The following FRMD4A variants were observed in gnomAD, a reference collection of about 807,000 sequenced individuals.
The protein encoded by FRMD4A is FERM domain-containing protein 4A.
A neutral mutation model predicts 129.1 loss-of-function variants in FRMD4A; 29 were observed. The observed-to-expected ratio is 0.22, with a 90% CI of 0.17 to 0.31. FRMD4A has a LOEUF of 0.31. FRMD4A is among the 10% of genes least tolerant of loss of function. FRMD4A has a pLI of 1.00. For synonymous variants in FRMD4A, 634 were observed against 571.6 expected (o/e 1.11, Z -1.56); for missense variants, 1,272 against 1,375.8 (o/e 0.92, Z 1.19).
At chr10:14,160,162 T>C (rs1350111669) in intron 2 of FRMD4A, among the ~76,000 whole-genome samples, 1 of 152,206 alleles carries the variant, frequency 6.6e-6, no homozygotes, top group African/African-American at 2.4e-5. Flanking sequence ...AATAAGTCTA[T>C]ATATTTACAG....
intron 2 of FRMD4A, among the ~76,000 whole-genome samples, chr10:14,185,562 T>A (rs534159473): frequency 6.6e-6 from 1 of 152,138 alleles, no homozygotes; most frequent in Non-Finnish European, 1.5e-5. Context: ...CAAGACTATT[T>A]AAAGGTTCAA....
At chr10:14,033,216 A>T (rs1455135444) in intron 2 of FRMD4A, among the ~76,000 whole-genome samples, 1 of 151,742 alleles carries the variant, frequency 6.6e-6, no homozygotes, top group South Asian at 2.1e-4. Flanking sequence ...CTGAGGCAGG[A>T]GAATCGCTTG....
chr10:13,741,031 T>A (rs944291965), intron 9 of FRMD4A, among the ~76,000 whole-genome samples: 12 of 152,116 alleles, frequency 7.9e-5, no homozygotes, highest in African/African-American at 2.9e-4. Context: ...TTCATCATGT[T>A]GGCCAGGCTG....
intron 2 of FRMD4A, among the ~76,000 whole-genome samples, chr10:14,250,074 C>T (rs939069605): frequency 2.0e-5 from 3 of 152,156 alleles, no homozygotes; most frequent in Non-Finnish European, 4.4e-5. Context: ...AATTCTCCTG[C>T]CTCAGCCTCC....
At chr10:14,050,431 A>G (rs1203805338) in intron 2 of FRMD4A, among the ~76,000 whole-genome samples, 2 of 152,218 alleles carry the variant, frequency 1.3e-5, no homozygotes, top group Non-Finnish European at 2.9e-5. Flanking sequence ...ACCTAATAAA[A>G]TACAAATTAC....
At chr10:13,976,922 C>T (rs2095543976) in intron 2 of FRMD4A, among the ~76,000 whole-genome samples, 2 of 152,156 alleles carry the variant, frequency 1.3e-5, no homozygotes, top group Non-Finnish European at 2.9e-5. Context: ...ATTTTGTTAT[C>T]TTTTACTGAT....
Position 13,747,777 on chromosome 10 carries a change from A to G in FRMD4A, c.507T>C (p.Leu169=). The change falls in exon 9 of 25, where the codon CTT becomes CTC. Residue 169 remains leucine, a synonymous_variant. Transcript: ENST00000357447. ...GGTGCTCCTTCAGGGCTTGGGTGGG[A>G]AGGGCTGGCAGCTTCTTCAAGTCAC... ...VRSDLKKLPA[L]PTQALKEHPS... The G allele has an allele frequency of 6.2e-7, 1 of 1,607,346 alleles. No homozygotes were observed. Among genetic ancestry groups the G allele is most frequent in the Non-Finnish European group, 8.5e-7 (1 of 1,174,144 alleles).
intron 3 of FRMD4A, among the ~76,000 whole-genome samples, chr10:13,857,725 A>G (rs1390280383): frequency 6.6e-6 from 1 of 152,194 alleles, no homozygotes; most frequent in East Asian, 1.9e-4. Flanking sequence ...CTTCCTCACA[A>G]CAAAATGTGA....
chr10:14,101,837 T>C (rs1261730464), intron 2 of FRMD4A, among the ~76,000 whole-genome samples: 1 of 152,170 alleles, frequency 6.6e-6, no homozygotes, highest in African/African-American at 2.4e-5. Context: ...CACAGAGGTA[T>C]ATTCTCTTCC....
chr10:13,725,632 G>A (rs1304379596), intron 12 of FRMD4A, among the ~76,000 whole-genome samples: 1 of 152,152 alleles, frequency 6.6e-6, no homozygotes, highest in East Asian at 1.9e-4. Context: ...ATACAGGCTG[G>A]TGCCCTTGGG....
At chr10:14,201,678 C>A (rs1034164082) in intron 2 of FRMD4A, among the ~76,000 whole-genome samples, 1 of 152,216 alleles carries the variant, frequency 6.6e-6, no homozygotes, top group Non-Finnish European at 1.5e-5. Flanking sequence ...CCAAACCCAA[C>A]CTTCAAAATG....
At chr10:13,659,795 C>A (rs961010766) in intron 20 of FRMD4A, among the ~76,000 whole-genome samples, 5 of 151,988 alleles carry the variant, frequency 3.3e-5, no homozygotes, top group African/African-American at 1.2e-4. Flanking sequence ...CCTGGCACCC[C>A]CCTTGGAGCT....
chr10:13,947,872 T>C (rs1030309668), intron 2 of FRMD4A, among the ~76,000 whole-genome samples: 3 of 152,052 alleles, frequency 2.0e-5, no homozygotes, highest in Non-Finnish European at 4.4e-5. Context: ...GGCCTGTGCA[T>C]GTCCACTCAA....
rs1301612917 is a variant in FRMD4A at position 13,925,271 on chromosome 10, C to A, written c.46-66359G>T. 3.9e-5 allele frequency among the ~76,000 whole-genome samples: 6 copies of A among 152,178 alleles called. No individual in the cohort carries two copies. The East Asian group carries it at 1.2e-3, about 29-fold the overall frequency. ...CACCAATGGTGGGGCTTGATCTTGA[C>A]CACTGGGCCAAAACAGATGGAGATA... is the stretch of plus-strand genomic sequence containing the variant. On this transcript the variant is annotated intron_variant, in intron 2 of 24. Transcript: ENST00000357447.
intron 16 of FRMD4A, among the ~76,000 whole-genome samples, chr10:13,672,307 A>T (rs1465897706): frequency 6.6e-6 from 1 of 152,100 alleles, no homozygotes; most frequent in African/African-American, 2.4e-5. Flanking sequence ...TAAAAAAAAA[A>T]TGTGGTTCAA....
chr10:13,872,995 G>A (rs1428654877), intron 2 of FRMD4A, among the ~76,000 whole-genome samples: 1 of 151,982 alleles, frequency 6.6e-6, no homozygotes, highest in Non-Finnish European at 1.5e-5. Context: ...AGCCAACACG[G>A]TGAAACGTCA....
chr10:13,972,332 A>G lies in FRMD4A; in HGVS notation c.46-113420T>C, dbSNP rs2095523338. 5 of 985,774 alleles carry G rather than the reference A, an allele frequency of 5.1e-6. No individual in the cohort carries two copies. The Admixed American group carries it at 3.0e-4, about 60-fold the overall frequency. The allele number at this position is 985,774 out of a possible 1,614,324, so 61.1% of individuals were successfully genotyped here. A position where few individuals can be genotyped will look rare whatever the true frequency, so the allele number is the denominator to read the frequency against. On this transcript the variant is annotated intron_variant, in intron 2 of 24. Transcript: ENST00000357447. ...AGAACCCATGAGTTTCCACAAGGTC[A>G]AGCAAAAAGTCCCATTCTGTAGCAG...
At chr10:14,170,144 T>C (rs989825607) in intron 2 of FRMD4A, among the ~76,000 whole-genome samples, 1 of 152,214 alleles carries the variant, frequency 6.6e-6, no homozygotes, top group Non-Finnish European at 1.5e-5. Flanking sequence ...TATACATATT[T>C]TATTCTTCCT....
chr10:13,866,884 G>C (rs1429625342), intron 2 of FRMD4A, among the ~76,000 whole-genome samples: 1 of 152,158 alleles, frequency 6.6e-6, no homozygotes, highest in African/African-American at 2.4e-5. Flanking sequence ...GGAGGCGGAG[G>C]TTGCAGTGAG....
Sources: allele counts gnomAD v4.1 joint callset (sites outside exome capture counted in the v4.1 genomes callset), GRCh38; gene constraint gnomAD v4.1.1; transcripts MANE v1.5; gene names NCBI Gene and HGNC (gene_info 2026-07-23, HGNC 2026-07-21).